Variants in ZCCHC7 observed in about 807,000 individuals in gnomAD.
ZCCHC7 encodes zinc finger CCHC-type containing 7, also known as zinc finger CCHC domain-containing protein 7.
Under a neutral mutation model 52.0 loss-of-function variants are expected in ZCCHC7, and 35 were observed. That is an observed-to-expected ratio of 0.67 (90% CI 0.51 to 0.89). ZCCHC7 has a LOEUF of 0.89. ZCCHC7 is among the 40% of genes least tolerant of loss of function. ZCCHC7 has a pLI of 0.00. For synonymous variants in ZCCHC7, 217 were observed against 221.5 expected (o/e 0.98, Z 0.18); for missense variants, 574 against 649.1 (o/e 0.88, Z 1.26).
At chr9:37,183,715 A>G (rs1432917770) in intron 2 of ZCCHC7, among the ~76,000 whole-genome samples, 4 of 152,216 alleles carry the variant, frequency 2.6e-5, no homozygotes, top group South Asian at 2.1e-4. Context: ...AGCACTTTAC[A>G]TGTTTTCACT....
chr9:37,337,043 C>A (rs571273530), intron 6 of ZCCHC7, among the ~76,000 whole-genome samples: 1 of 152,096 alleles, frequency 6.6e-6, no homozygotes, highest in African/African-American at 2.4e-5. Flanking sequence ...ATTATTTAAC[C>A]TTTCAATTTA....
chr9:37,357,305 C>T lies in ZCCHC7; in HGVS notation c.*37C>T, dbSNP rs148364712. 297 of 1,536,730 alleles carry T rather than the reference C, an allele frequency of 1.9e-4. 1 individual carries two copies. The African/African-American group carries it at 3.9e-3, about 20-fold the overall frequency. On this transcript the variant is annotated 3_prime_UTR_variant, in exon 9 of 9. Transcript: ENST00000336755. ...GCCTCTGATGTGGCTTTTCATTGTT[C>T]ATTTGGCCTTTGTGTCTATAACCTT...
At chr9:37,335,187 A>G (rs966752047) in intron 6 of ZCCHC7, among the ~76,000 whole-genome samples, 1 of 152,184 alleles carries the variant, frequency 6.6e-6, no homozygotes, top group African/African-American at 2.4e-5. Context: ...TACAATATCA[A>G]TTTTGTTTTC....
chr9:37,342,860 C>T (rs1820727336), intron 6 of ZCCHC7, among the ~76,000 whole-genome samples: 1 of 152,132 alleles, frequency 6.6e-6, no homozygotes, highest in African/African-American at 2.4e-5. Flanking sequence ...TAGTGGAGCC[C>T]ACATTAGAAC....
intron 2 of ZCCHC7, among the ~76,000 whole-genome samples, chr9:37,209,520 AC>A (rs1236765852): frequency 6.6e-6 from 1 of 151,642 alleles, no homozygotes; most frequent in Non-Finnish European, 1.5e-5. Context: ...ATCTTTGTCT[AC>A]CCTTTTCATT....
At chr9:37,186,299 G>C (rs1298631598) in intron 2 of ZCCHC7, among the ~76,000 whole-genome samples, 2 of 152,114 alleles carry the variant, frequency 1.3e-5, no homozygotes, top group Non-Finnish European at 2.9e-5. Flanking sequence ...AACGTAAGAG[G>C]TTAATCCACT....
chr9:37,143,904 A>C (rs1843330366), intron 2 of ZCCHC7, among the ~76,000 whole-genome samples: 1 of 151,864 alleles, frequency 6.6e-6, no homozygotes, highest in Non-Finnish European at 1.5e-5. Flanking sequence ...ATGAGTACAG[A>C]AATTAAATTA....
chr9:37,279,181 T>C (rs1453277593), intron 2 of ZCCHC7, among the ~76,000 whole-genome samples: 2 of 152,192 alleles, frequency 1.3e-5, no homozygotes, highest in Admixed American at 1.3e-4. Flanking sequence ...CCTCTTTATT[T>C]GTTTCAAATG....
intron 2 of ZCCHC7, among the ~76,000 whole-genome samples, chr9:37,207,885 TAA>T (rs746739628): frequency 3.3e-5 from 5 of 152,228 alleles, no homozygotes; most frequent in Admixed American, 6.5e-5. Flanking sequence ...TTCAAATTAA[TAA>T]GTTTTATTTT....
At chr9:37,138,689 A>G (rs1843096485) in intron 2 of ZCCHC7, among the ~76,000 whole-genome samples, 1 of 150,796 alleles carries the variant, frequency 6.6e-6, no homozygotes, top group Non-Finnish European at 1.5e-5. Context: ...CACCTTATCT[A>G]CAGGTTTGTA....
intron 1 of ZCCHC7, among the ~76,000 whole-genome samples, chr9:37,125,246 C>G (rs754234004): frequency 6.6e-6 from 1 of 152,164 alleles, no homozygotes; most frequent in Non-Finnish European, 1.5e-5. Flanking sequence ...AACTCCTGAG[C>G]TCAAGCGGTT....
At chr9:37,318,942 CAAAA>C (rs34576609) in intron 5 of ZCCHC7, among the ~76,000 whole-genome samples, 1 of 107,004 alleles carries the variant, frequency 9.3e-6, no homozygotes. Flanking sequence ...GACTCTGTCT[CAAAA>C]AAAAAAAAAA....
At chr9:37,133,367 G>T (rs1047783066) in intron 2 of ZCCHC7, among the ~76,000 whole-genome samples, 3 of 149,130 alleles carry the variant, frequency 2.0e-5, no homozygotes, top group Non-Finnish European at 3.0e-5. Context: ...TTTTGGTCTG[G>T]AATATTTTCT....
intron 2 of ZCCHC7, among the ~76,000 whole-genome samples, chr9:37,276,684 C>A (rs1827699213): frequency 6.6e-6 from 1 of 152,072 alleles, no homozygotes. Flanking sequence ...AAATTAGAAT[C>A]TCATATAATT....
Position 37,357,243 on chromosome 9 carries a change from T to C in ZCCHC7, c.1607T>C (p.Ile536Thr), listed in dbSNP as rs1821766412. Residue 536 changes from isoleucine (I) to threonine (T), a missense_variant, in exon 9 of 9, where the codon ATT becomes ACT. Coordinates refer to ENST00000336755, the MANE Select transcript of ZCCHC7 (RefSeq NM_032226.3). ...GATGACAATGATAACTTATTTCTTA[T>C]TAAGCAGAGAAAAAAAAAGTCTTAA... ...EDDDNDNLFLIKQRKKKS is the reference protein window; with the variant it reads ...EDDDNDNLFLTKQRKKKS The C allele has an allele frequency of 1.9e-6, 3 of 1,598,208 alleles. No individual in the cohort carries two copies. The highest frequency in any genetic ancestry group is 1.7e-4 in the Middle Eastern group (1 of 5,738).
intron 2 of ZCCHC7, among the ~76,000 whole-genome samples, chr9:37,200,628 T>C (rs1270612103): frequency 1.3e-5 from 2 of 152,220 alleles, no homozygotes; most frequent in African/African-American, 4.8e-5. Flanking sequence ...CTAGAAGCCT[T>C]GGTGGTGAGG....
chr9:37,140,235 A>G (rs1843164228), intron 2 of ZCCHC7, among the ~76,000 whole-genome samples: 1 of 151,938 alleles, frequency 6.6e-6, no homozygotes, highest in African/African-American at 2.4e-5. Context: ...ATTACTTCCT[A>G]CTTTTAAGGA....
At chr9:37,340,248 C>T (rs151287061) in intron 6 of ZCCHC7, among the ~76,000 whole-genome samples, 2 of 152,150 alleles carry the variant, frequency 1.3e-5, no homozygotes, top group African/African-American at 4.8e-5. Flanking sequence ...CTGATATTTA[C>T]TGAGTTTACT....
At chr9:37,330,484 T>C (rs1035086742) in intron 6 of ZCCHC7, among the ~76,000 whole-genome samples, 2 of 151,690 alleles carry the variant, frequency 1.3e-5, no homozygotes, top group African/African-American at 4.8e-5. Flanking sequence ...ACCATCTTTC[T>C]ATGTTTTAAT....
Sources: allele counts gnomAD v4.1 joint callset (sites outside exome capture counted in the v4.1 genomes callset), GRCh38; gene constraint gnomAD v4.1.1; transcripts MANE v1.5; gene names NCBI Gene and HGNC (gene_info 2026-07-23, HGNC 2026-07-21).